WWOX: variants seen among roughly 807,000 people sequenced by gnomAD.
WWOX encodes the protein WW domain-containing oxidoreductase.
In WWOX, 69 loss-of-function variants were observed where a neutral mutation model predicts 46.2. The ratio of observed to expected loss-of-function variants is 1.49; its 90% CI spans 1.23 to 1.82. The LOEUF (loss-of-function observed/expected upper bound fraction) is 1.82. Ranked by LOEUF, WWOX falls within the 40% of genes most tolerant of loss-of-function variation. The probability of loss-of-function intolerance (pLI) is 0.00; values close to 1 mark genes in which losing one functional copy is unlikely to be tolerated. For missense variants in WWOX, 919 were observed against 542.6 expected (o/e 1.69, Z -6.89); for synonymous variants, 359 against 202.6 (o/e 1.77, Z -6.56).
At chr16:78,369,939 C>T (rs1293826167) in intron 5 of WWOX, among the ~76,000 whole-genome samples, 1 of 151,886 alleles carries the variant, frequency 6.6e-6, no homozygotes, top group Non-Finnish European at 1.5e-5. Context: ...TTGAGACCAG[C>T]CTGGCCAACA....
chr16:78,655,494 C>G (rs963921930), intron 8 of WWOX, among the ~76,000 whole-genome samples: 1 of 152,106 alleles, frequency 6.6e-6, no homozygotes, highest in African/African-American at 2.4e-5. Flanking sequence ...TGCTGTGTTT[C>G]CTGCCAAAAG....
At chr16:79,172,503 A>G (rs1489610344) in intron 8 of WWOX, among the ~76,000 whole-genome samples, 1 of 152,072 alleles carries the variant, frequency 6.6e-6, no homozygotes, top group Non-Finnish European at 1.5e-5. Flanking sequence ...AGTAGGCCCT[A>G]CATAAATGTT....
At chr16:78,690,314 G>A (rs1209468674) in intron 8 of WWOX, among the ~76,000 whole-genome samples, 1 of 152,188 alleles carries the variant, frequency 6.6e-6, no homozygotes, top group Non-Finnish European at 1.5e-5. Flanking sequence ...ACTCTGGAAG[G>A]CTGAGTCAGA....
intron 8 of WWOX, among the ~76,000 whole-genome samples, chr16:78,740,585 C>G (rs182724012): frequency 3.3e-5 from 5 of 152,072 alleles, no homozygotes; most frequent in African/African-American, 4.8e-5. Context: ...AGAGAGCACT[C>G]GTCTTTCAGG....
At chr16:78,697,139 G>T (rs1360426901) in intron 8 of WWOX, among the ~76,000 whole-genome samples, 1 of 152,204 alleles carries the variant, frequency 6.6e-6, no homozygotes, top group Non-Finnish European at 1.5e-5. Flanking sequence ...GTGCAAGTAT[G>T]TCTTTCATAT....
At chr16:79,047,749 G>A (rs890296407) in intron 8 of WWOX, among the ~76,000 whole-genome samples, 1 of 145,286 alleles carries the variant, frequency 6.9e-6, no homozygotes, top group African/African-American at 2.6e-5. Context: ...AACGTCACAG[G>A]GCAGCTGTAT....
At chr16:78,426,104 G>C (rs2083071331) in intron 7 of WWOX, among the ~76,000 whole-genome samples, 1 of 152,058 alleles carries the variant, frequency 6.6e-6, no homozygotes, top group African/African-American at 2.4e-5. Flanking sequence ...TGAAATGAAA[G>C]GTAAATGCCA....
intron 8 of WWOX, among the ~76,000 whole-genome samples, chr16:79,118,647 A>G (rs2049566884): frequency 6.6e-6 from 1 of 152,260 alleles, no homozygotes; most frequent in Non-Finnish European, 1.5e-5. Flanking sequence ...TCTTAAAAAT[A>G]TTTAAAAAGA....
At chr16:78,800,220 A>G (rs1207654960) in intron 8 of WWOX, among the ~76,000 whole-genome samples, 2 of 151,040 alleles carry the variant, frequency 1.3e-5, no homozygotes, top group African/African-American at 4.9e-5. Flanking sequence ...GATTTTAATG[A>G]TTGTGTAAAT....
At chr16:78,780,786 A>T (rs1256934671) in intron 8 of WWOX, among the ~76,000 whole-genome samples, 1 of 152,152 alleles carries the variant, frequency 6.6e-6, no homozygotes, top group Non-Finnish European at 1.5e-5. Flanking sequence ...TGGCTAGCAT[A>T]GGATGGGATA....
chr16:78,883,443 G>A (rs2044385644), intron 8 of WWOX, among the ~76,000 whole-genome samples: 1 of 152,188 alleles, frequency 6.6e-6, no homozygotes, highest in Non-Finnish European at 1.5e-5. Context: ...CATACCATGG[G>A]CTGGGCATGG....
intron 8 of WWOX, among the ~76,000 whole-genome samples, chr16:78,754,539 C>T (rs1597553446): frequency 6.6e-6 from 1 of 151,968 alleles, no homozygotes; most frequent in Admixed American, 6.6e-5. Flanking sequence ...TTGTTTTTCT[C>T]TCCAAATAAA....
At chr16:78,958,067 T>A (rs1372442875) in intron 8 of WWOX, among the ~76,000 whole-genome samples, 1 of 152,184 alleles carries the variant, frequency 6.6e-6, no homozygotes, top group Non-Finnish European at 1.5e-5. Context: ...ATAACTAACA[T>A]TGCCTGGGTC....
At chr16:78,549,399 A>C (rs1261642054) in intron 8 of WWOX, among the ~76,000 whole-genome samples, 1 of 152,126 alleles carries the variant, frequency 6.6e-6, no homozygotes, top group Non-Finnish European at 1.5e-5. Context: ...ACAGAATATC[A>C]CTTTTTTATA....
intron 8 of WWOX, among the ~76,000 whole-genome samples, chr16:78,465,715 G>T (rs1327463445): frequency 6.6e-6 from 1 of 151,996 alleles, no homozygotes; most frequent in African/African-American, 2.4e-5. Flanking sequence ...CCTTTTAATT[G>T]CCCAGGTAAA....
rs190964462 is a variant in WWOX at position 79,195,172 on chromosome 16, G to T, written c.1057-16436G>T. On this transcript the variant is annotated intron_variant, in intron 8 of 8. Coordinates refer to ENST00000566780, the MANE Select transcript of WWOX (RefSeq NM_016373.4). ...TCTCTAAGTCCCCCAGCTATTGTTT[G>T]TTGTAGGTTGGGTACCCCAGGAAGT... Among the ~76,000 whole-genome samples, 23 of 152,244 alleles carry T rather than the reference G, an allele frequency of 1.5e-4. No individual in the cohort carries two copies. The East Asian group carries it at 3.5e-3, about 23-fold the overall frequency.
In WWOX at chr16:78,386,774, T is replaced by A. The variant is rs2082069945; in HGVS notation, c.517-86T>A. ...TATATTAAACAGGGGAATTCCGACA[T>A]GTTCCATAACACATTTACTGTAACT... On this transcript the variant is annotated intron_variant, in intron 5 of 8. Coordinates refer to ENST00000566780, the MANE Select transcript of WWOX (RefSeq NM_016373.4). 5 of 1,192,730 alleles carry A rather than the reference T, an allele frequency of 4.2e-6. No individual in the cohort carries two copies. In the Admixed American group the frequency reaches 8.6e-5, roughly 20 times the overall value. 73.9% of individuals were successfully genotyped at this position (1,192,730 alleles called of 1,614,324 possible).
chr16:78,449,792 T>C (rs1431928650), intron 8 of WWOX, among the ~76,000 whole-genome samples: 2 of 152,174 alleles, frequency 1.3e-5, no homozygotes, highest in Non-Finnish European at 2.9e-5. Flanking sequence ...CATGTTGCTT[T>C]AGTAGAAGGG....
At chr16:78,575,494 G>T (rs1016193195) in intron 8 of WWOX, among the ~76,000 whole-genome samples, 2 of 152,014 alleles carry the variant, frequency 1.3e-5, no homozygotes, top group African/African-American at 2.4e-5. Flanking sequence ...TGGAGGACAA[G>T]AAGGCACAAA....
Sources: allele counts gnomAD v4.1 joint callset (sites outside exome capture counted in the v4.1 genomes callset), GRCh38; gene constraint gnomAD v4.1.1; transcripts MANE v1.5; gene names NCBI Gene and HGNC (gene_info 2026-07-23, HGNC 2026-07-21).